The following BUD23 variants were observed in gnomAD, a reference collection of about 807,000 sequenced individuals.
BUD23 encodes 18S rRNA (guanine-N(7))-methyltransferase.
In BUD23, 34 loss-of-function variants were observed where a neutral mutation model predicts 47.0. The ratio of observed to expected loss-of-function variants is 0.72; its 90% confidence interval spans 0.55 to 0.96. The LOEUF (loss-of-function observed/expected upper bound fraction) is 0.96, where lower values mean the gene tolerates loss of function less well. Ranked by LOEUF, BUD23 falls within the 40% of genes least tolerant of loss-of-function variation. BUD23 has a pLI of 0.00. For synonymous variants in BUD23, 124 were observed against 132.0 expected (o/e 0.94, Z 0.41); for missense variants, 343 against 361.2 (o/e 0.95, Z 0.41).
chr7:73,685,477 C>T (rs1797928080), intron 2 of BUD23, among the ~76,000 whole-genome samples: 1 of 152,224 alleles, frequency 6.6e-6, no homozygotes, highest in African/African-American at 2.4e-5. Context: ...GTGAGACAGG[C>T]TCTCATTCTA....
intron 2 of BUD23, among the ~76,000 whole-genome samples, chr7:73,684,915 C>CTTTTTTTTTTT (rs1797893665): frequency 1.2e-5 from 1 of 84,140 alleles, no homozygotes; most frequent in Non-Finnish European, 2.0e-5. Flanking sequence ...CAGAGCAAGA[C>CTTTTTTTTTTT]TTTGTTTCAA....
intron 2 of BUD23, 118 bp downstream of exon 2, chr7:73,683,922 G>T: frequency 6.3e-7 from 1 of 1,592,520 alleles, no homozygotes; most frequent in South Asian, 1.1e-5. Context: ...GGAAGGACCC[G>T]GGTGGGTGCC....
chr7:73,694,032 CTG>C lies in BUD23; in HGVS notation c.687_688del (p.Phe230HisfsTer3). ...CAGGATGAAGTTGAACCCAGGGAGT[CTG>C]TGTTCACCAATGAGAGGTAAAGCAA... On this transcript the variant is annotated frameshift_variant, in exon 10 of 12. Transcript: ENST00000265758. LOFTEE classifies it high-confidence loss of function. 1 of 1,610,494 alleles carries C rather than the reference CTG, an allele frequency of 6.2e-7. No individual in the cohort carries two copies. The highest frequency in any genetic ancestry group is 2.2e-5 in the East Asian group (1 of 44,876).
At chr7:73,685,181 G>A (rs1351022308) in intron 2 of BUD23, among the ~76,000 whole-genome samples, 2 of 152,118 alleles carry the variant, frequency 1.3e-5, no homozygotes, top group Non-Finnish European at 1.5e-5. Flanking sequence ...ACGGGAGGCT[G>A]AGGCAGGAGA....
At chr7:73,693,915 G>A in intron 9 of BUD23, 77 bp from the exon 10 acceptor site, 1 of 1,576,528 alleles carries the variant, frequency 6.3e-7, no homozygotes, top group South Asian at 1.1e-5. Context: ...GTCAGGCCTG[G>A]GTGCCTGGGC....
chr7:73,689,229 A>AGATGTATT (rs1457840919), intron 5 of BUD23, among the ~76,000 whole-genome samples: 1 of 151,972 alleles, frequency 6.6e-6, no homozygotes, highest in Non-Finnish European at 1.5e-5. Flanking sequence ...TTTGTATTTT[A>AGATGTATT]GTAGAGATGG....
At chr7:73,684,915 C>CTTTTTTTTTTTTTTTTTTTTTTTT (rs1797893665) in intron 2 of BUD23, among the ~76,000 whole-genome samples, 1 of 84,140 alleles carries the variant, frequency 1.2e-5, no homozygotes, top group Non-Finnish European at 2.0e-5. Flanking sequence ...CAGAGCAAGA[C>CTTTTTTTTTTTTTTTTTTTTTTTT]TTTGTTTCAA....
intron 5 of BUD23, among the ~76,000 whole-genome samples, chr7:73,688,187 C>T (rs1798053169): frequency 6.6e-6 from 1 of 152,198 alleles, no homozygotes. Context: ...TGAGCCACCG[C>T]GCCCAGCCTA....
In BUD23 at chr7:73,690,938, T is replaced by G. The variant is rs781866736; in HGVS notation, c.385T>G (p.Cys129Gly). 3 of 1,614,208 alleles carry G rather than the reference T, an allele frequency of 1.9e-6. No homozygotes were observed. The highest frequency in any genetic ancestry group is 2.5e-6 in the Non-Finnish European group (3 of 1,180,034). The change falls in exon 6 of 12, where the codon TGT becomes GGT. Residue 129 changes from cysteine (C) to glycine (G), a missense_variant. Transcript: ENST00000265758. ...CISISAVQWL[C>G]NANKKSENPA... is the part of the protein sequence containing the mutation. ...TAGCATTTCTGCTGTGCAGTGGCTCTGTAATGCTAACAAGAAGTCTGAAAA... is the reference window on the plus strand; with the variant it reads ...TAGCATTTCTGCTGTGCAGTGGCTCGGTAATGCTAACAAGAAGTCTGAAAA...
chr7:73,698,136 GGAAAAAA>G lies in BUD23; in HGVS notation c.*251_*257del. 3 of 108,426 alleles carry G rather than the reference GGAAAAAA, an allele frequency of 2.8e-5. No homozygotes were observed. The highest frequency in any genetic ancestry group is 3.5e-4 in the South Asian group (1 of 2,852). 6.7% of individuals were successfully genotyped at this position (108,426 alleles called of 1,614,324 possible). On this transcript the variant is annotated 3_prime_UTR_variant, in exon 12 of 12. Transcript: ENST00000265758. ...CATAATGAAACTTCCTTTCCAGGGA[GGAAAAAA>G]AAAAAAAAAAAAAGCTCTGAGAGCA...
chr7:73,692,934 G>A, intron 7 of BUD23: 1 of 548,628 alleles, frequency 1.8e-6, no homozygotes, highest in Non-Finnish European at 3.2e-6. Flanking sequence ...GGGTGAGAGG[G>A]CACCGACAGT....
rs561141408 is a variant in BUD23 at position 73,697,627 on chromosome 7, C to T, written c.724C>T (p.Arg242Trp). 32 of 1,613,518 alleles carry T rather than the reference C, an allele frequency of 2.0e-5. No individual in the cohort carries two copies. The highest frequency in any genetic ancestry group is 1.0e-4 in the Admixed American group (6 of 60,004). Reference sequence around the variant, plus strand: ...CAGGTTCCCATTAAGGATGTCGAGGCGGGGAATGGTGAGGAAGAGTCGGGC... The same window carrying T: ...CAGGTTCCCATTAAGGATGTCGAGGTGGGGAATGGTGAGGAAGAGTCGGGC... ...NERFPLRMSRRGMVRKSRAWV... is the reference protein window; with the variant it reads ...NERFPLRMSRWGMVRKSRAWV... Residue 242 changes from arginine (R) to tryptophan (W), a missense_variant, in exon 11 of 12, where the codon CGG becomes TGG. Coordinates refer to ENST00000265758, the MANE Select transcript of BUD23 (RefSeq NM_017528.5).
chr7:73,692,115 C>T (rs541383140), intron 6 of BUD23, among the ~76,000 whole-genome samples: 3 of 152,218 alleles, frequency 2.0e-5, no homozygotes, highest in East Asian at 3.9e-4. Context: ...GGGTGGACTG[C>T]GCCTGCCTAT....
At chr7:73,690,319 A>G (rs1229899888) in intron 5 of BUD23, among the ~76,000 whole-genome samples, 1 of 152,112 alleles carries the variant, frequency 6.6e-6, no homozygotes. Context: ...GAGGTTTTAA[A>G]TCTGGGGGTT....
intron 10 of BUD23, chr7:73,695,882 A>AT (rs1407976405): frequency 6.6e-6 from 1 of 152,022 alleles, no homozygotes; most frequent in Non-Finnish European, 1.5e-5. Context: ...GCTCATGTTG[A>AT]TTTTCCTTAA....
At chr7:73,691,850 T>A (rs7799947) in intron 6 of BUD23, among the ~76,000 whole-genome samples, 1 of 152,104 alleles carries the variant, frequency 6.6e-6, no homozygotes, top group African/African-American at 2.4e-5. Flanking sequence ...AGCAATTGTC[T>A]GGCATCAGGC....
At chr7:73,697,733 G>A in intron 11 of BUD23, 39 bp downstream of exon 11, 1 of 1,520,876 alleles carries the variant, frequency 6.6e-7, no homozygotes, top group Non-Finnish European at 9.1e-7. Context: ...TGGGTGGGGG[G>A]TGGATGACTA....
At chr7:73,693,473 C>T in intron 8 of BUD23, 59 bp downstream of exon 8, 1 of 1,602,290 alleles carries the variant, frequency 6.2e-7, no homozygotes. Flanking sequence ...GTGGCATAGC[C>T]CTTTCAGGCC....
chr7:73,697,507 A>G (rs782439492), intron 10 of BUD23, 98 bp from the exon 11 acceptor site: 2 of 1,594,270 alleles, frequency 1.3e-6, no homozygotes, highest in African/African-American at 1.3e-5. Context: ...CGAGGCCACC[A>G]GACTCGGAGG....
Sources: gnomAD v4.1 joint callset for allele counts (sites outside exome capture counted in the v4.1 genomes callset) on GRCh38, gnomAD v4.1.1 for gene constraint, MANE v1.5 for transcripts, NCBI Gene and HGNC (gene_info 2026-07-23, HGNC 2026-07-21) for gene names.